Variants in CDC42BPA observed in about 807,000 individuals in gnomAD.
The protein encoded by CDC42BPA is CDC42 binding protein kinase alpha, also known as serine/threonine-protein kinase MRCK alpha.
CDC42BPA carries 80 observed loss-of-function variants against 223.5 expected under a neutral mutation model. The ratio of observed to expected loss-of-function variants is 0.36; its 90% confidence interval spans 0.30 to 0.43. The LOEUF is 0.43. Among genes scored for constraint, CDC42BPA ranks in the 20% least tolerant of loss-of-function variants. The pLI, the probability that CDC42BPA is intolerant of heterozygous loss-of-function variation, is 1.00. For missense variants in CDC42BPA, 1,743 were observed against 2,099.9 expected (o/e 0.83, Z 3.32); for synonymous variants, 694 against 718.6 (o/e 0.97, Z 0.55).
rs766330778 is a variant in CDC42BPA at position 227,216,149 on chromosome 1, T to C, written c.271-2930A>G. ...ATATATATATACACACACACACACA[T>C]AAAATATGTACCATAAATTTCTATG... On this transcript the variant is annotated intron_variant, in intron 2 of 36. Transcript: ENST00000366766. Among the ~76,000 whole-genome samples the C allele has an allele frequency of 1.5e-4, 22 of 150,904 alleles. 1 individual carries two copies. Among genetic ancestry groups the C allele is most frequent in the Admixed American group, 3.3e-4 (5 of 15,140 alleles).
At chr1:227,068,706 T>G in intron 21 of CDC42BPA, 1 of 1,173,708 alleles carries the variant, frequency 8.5e-7, no homozygotes, top group Non-Finnish European at 1.1e-6. Context: ...GGAATCCTAT[T>G]TAACGAATAC....
In CDC42BPA at chr1:227,181,635, A is replaced by G. The variant is rs114949605; in HGVS notation, c.599+12151T>C. 6.0e-3 allele frequency among the ~76,000 whole-genome samples: 917 copies of G among 152,256 alleles called. 10 individuals carry two copies. The highest frequency in any genetic ancestry group is 0.021 in the African/African-American group (864 of 41,568). The stretch of plus-strand genomic sequence containing the variant: ...TCGCTTACTCTCTATTATAACAGTT[A>G]ATCTTCAAGTAGCTCCTCTAAAGAG... On this transcript the variant is annotated intron_variant, in intron 5 of 36. Coordinates refer to ENST00000366766, the MANE Select transcript of CDC42BPA (RefSeq NM_001394014.1).
At chr1:227,008,125 G>T (rs1664454120) in intron 34 of CDC42BPA, among the ~76,000 whole-genome samples, 1 of 152,160 alleles carries the variant, frequency 6.6e-6, no homozygotes, top group African/African-American at 2.4e-5. Context: ...ACCTAAAATA[G>T]TTAGGTGCTG....
At chr1:227,055,549 A>G (rs1035299635) in intron 21 of CDC42BPA, among the ~76,000 whole-genome samples, 1 of 152,172 alleles carries the variant, frequency 6.6e-6, no homozygotes, top group Non-Finnish European at 1.5e-5. Context: ...CAGCAAAGCA[A>G]CTGATTAATA....
At chr1:227,125,048 C>T (rs1689309313) in intron 11 of CDC42BPA, among the ~76,000 whole-genome samples, 1 of 151,848 alleles carries the variant, frequency 6.6e-6, no homozygotes. Flanking sequence ...AGAATTAGAA[C>T]TAAAGAAGAT....
At chr1:227,253,631 C>T (rs984879120) in intron 2 of CDC42BPA, among the ~76,000 whole-genome samples, 1 of 150,768 alleles carries the variant, frequency 6.6e-6, no homozygotes, top group Non-Finnish European at 1.5e-5. Context: ...TACATACATA[C>T]ATACATACAT....
intron 14 of CDC42BPA, chr1:227,112,088 C>G: frequency 2.8e-6 from 1 of 359,202 alleles, no homozygotes; most frequent in Non-Finnish European, 5.0e-6. Context: ...TAACTCCCTC[C>G]TGATAGATTC....
intron 1 of CDC42BPA, among the ~76,000 whole-genome samples, chr1:227,266,460 C>A (rs993210627): frequency 3.9e-5 from 6 of 152,188 alleles, no homozygotes; most frequent in African/African-American, 9.7e-5. Flanking sequence ...GGATTGCCTG[C>A]CTCAAGACTT....
chr1:226,993,131 C>T lies in CDC42BPA; in HGVS notation c.*1137G>A, dbSNP rs1358046880. 6.6e-6 allele frequency: 1 copy of T among 152,276 alleles called. No individual in the cohort carries two copies. The highest frequency in any genetic ancestry group is 1.5e-5 in the Non-Finnish European group (1 of 68,048). 9.4% of individuals were successfully genotyped at this position (152,276 alleles called of 1,614,324 possible). A position where few individuals can be genotyped will look rare whatever the true frequency, so the allele number is the denominator to read the frequency against. Reference sequence around the variant, plus strand: ...ACAGACTCCTCCTTGGGAAGCATCTCCAGCCCTGGGACAGACACCTCGCTG... The same window carrying T: ...ACAGACTCCTCCTTGGGAAGCATCTTCAGCCCTGGGACAGACACCTCGCTG... On this transcript the variant is annotated 3_prime_UTR_variant, in exon 37 of 37. Transcript: ENST00000366766.
chr1:227,202,200 T>A (rs528598218), intron 3 of CDC42BPA, among the ~76,000 whole-genome samples: 1 of 152,294 alleles, frequency 6.6e-6, no homozygotes, highest in Non-Finnish European at 1.5e-5. Context: ...GCCAGGATGG[T>A]CTCGATCTCC....
rs1205737521 is a variant in CDC42BPA, at chr1:226,994,858, C to G, written c.5098G>C (p.Gly1700Arg). The stretch of plus-strand genomic sequence containing the variant: ...AAGTCCCTCGCTGGGGCATCACTTC[C>G]TTGGTCCATGCCTCCAGAGGACAAA... ...GSLSSGGMDQ[G>R]SDAPARDFDG... The change falls in exon 36 of 37, where the codon GGA (glycine) becomes CGA (arginine). Residue 1700 changes from glycine to arginine, a missense_variant. Around this residue, in one of 6 missense-constraint regions of CDC42BPA, gnomAD observed 200 missense variants for 192.8 expected, o/e 1.04. Coordinates refer to ENST00000366766, the MANE Select transcript of CDC42BPA (RefSeq NM_001394014.1). The surrounding 1 kb of genome is among the most constrained non-coding windows in gnomAD (Gnocchi z 4.0). 3 of 1,613,880 alleles carry G rather than the reference C, an allele frequency of 1.9e-6. No homozygotes were observed. Among genetic ancestry groups the G allele is most frequent in the Non-Finnish European group, 2.5e-6 (3 of 1,179,850 alleles).
intron 21 of CDC42BPA, among the ~76,000 whole-genome samples, chr1:227,059,955 G>A (rs1024326140): frequency 3.3e-5 from 5 of 151,570 alleles, no homozygotes; most frequent in East Asian, 1.9e-4. Context: ...TCAAAAGAGG[G>A]ACTTTCACCT....
At chr1:226,995,021 G>A in intron 35 of CDC42BPA, 41 bp from the exon 36 acceptor site, 1 of 1,571,266 alleles carries the variant, frequency 6.4e-7, no homozygotes, top group Non-Finnish European at 8.7e-7. Context: ...ATATGCAGAG[G>A]GGACAATACT....
At chr1:227,182,227 T>C (rs1668067440) in intron 5 of CDC42BPA, among the ~76,000 whole-genome samples, 1 of 152,178 alleles carries the variant, frequency 6.6e-6, no homozygotes, top group Non-Finnish European at 1.5e-5. Context: ...ATTCATCTTA[T>C]CCCATGATTT....
At chr1:227,033,105 A>T (rs914927379) in intron 27 of CDC42BPA, among the ~76,000 whole-genome samples, 1 of 152,144 alleles carries the variant, frequency 6.6e-6, no homozygotes. Flanking sequence ...AATATTATCT[A>T]CCAGGAAGCA....
chr1:227,053,429 AG>A (rs974374231), intron 21 of CDC42BPA, among the ~76,000 whole-genome samples: 2 of 152,124 alleles, frequency 1.3e-5, no homozygotes, highest in African/African-American at 4.8e-5. Flanking sequence ...TGAAGGCATT[AG>A]GGGTCTTGGA....
chr1:227,181,356 G>A (rs1376014150), intron 5 of CDC42BPA, among the ~76,000 whole-genome samples: 1 of 152,132 alleles, frequency 6.6e-6, no homozygotes, highest in Admixed American at 6.5e-5. Flanking sequence ...ATGTATTCAA[G>A]TGACATCTTT....
chr1:227,156,853 T>C (rs971660058), intron 6 of CDC42BPA, among the ~76,000 whole-genome samples: 33 of 152,262 alleles, frequency 2.2e-4, no homozygotes, highest in African/African-American at 7.7e-4. Flanking sequence ...CCTGCAGCTC[T>C]ATCCTCTCTG....
intron 2 of CDC42BPA, among the ~76,000 whole-genome samples, chr1:227,219,805 T>G (rs151306765): frequency 1.1e-4 from 17 of 152,274 alleles, no homozygotes; most frequent in East Asian, 7.7e-4. Context: ...CCAGCAGAGA[T>G]ATTTTCATCA....
Sources: allele counts gnomAD v4.1 joint callset (sites outside exome capture counted in the v4.1 genomes callset), GRCh38; gene constraint gnomAD v4.1.1; regional missense constraint gnomAD v4.1.1; non-coding constraint Gnocchi (gnomAD v3.1); transcripts MANE v1.5; gene names NCBI Gene and HGNC (gene_info 2026-07-23, HGNC 2026-07-21).